Variants in GUCY1A2 observed in about 807,000 individuals in gnomAD.
GUCY1A2 encodes guanylate cyclase 1 soluble subunit alpha 2.
Under a neutral mutation model 63.5 loss-of-function variants are expected in GUCY1A2, and 27 were observed. That is an observed-to-expected ratio of 0.43 (90% CI 0.31 to 0.59). The LOEUF is 0.59. Ranked by LOEUF, GUCY1A2 falls within the 20% of genes least tolerant of loss-of-function variation. The probability of loss-of-function intolerance (pLI) is 0.11; values close to 1 mark genes in which losing one functional copy is unlikely to be tolerated. For missense variants in GUCY1A2, 768 were observed against 913.3 expected (o/e 0.84, Z 2.05); for synonymous variants, 364 against 343.5 (o/e 1.06, Z -0.66).
intron 2 of GUCY1A2, among the ~76,000 whole-genome samples, chr11:106,979,412 G>A (rs573628623): frequency 1.1e-4 from 16 of 140,070 alleles, no homozygotes; most frequent in Admixed American, 2.3e-4. Context: ...CCGAGACTGC[G>A]CCACTGCACT....
At chr11:106,821,404 A>C (rs1177566122) in intron 4 of GUCY1A2, among the ~76,000 whole-genome samples, 1 of 152,196 alleles carries the variant, frequency 6.6e-6, no homozygotes, top group African/African-American at 2.4e-5. Context: ...TAAATCATAC[A>C]CATTAAAGGC....
chr11:106,822,641 T>C (rs1040553685), intron 4 of GUCY1A2, among the ~76,000 whole-genome samples: 6 of 152,216 alleles, frequency 3.9e-5, no homozygotes, highest in Non-Finnish European at 1.5e-5. Context: ...CTTGTGTTAA[T>C]TCACTTAGGA....
Position 107,018,026 on chromosome 11 carries a change from G to T in GUCY1A2, c.30C>A (p.Ser10=), listed in dbSNP as rs1439523744. Residue 10 remains serine (S), a synonymous_variant, in exon 1 of 8, where the codon TCC becomes TCA. Transcript: ENST00000526355. The part of the protein sequence containing the change: MSRRKISSE[S]FSSLGSDYLE... Reference sequence around the variant, plus strand: ...GGTAGTCGGAGCCCAGGGAGCTGAAGGACTCGGACGAAATCTTCCTTCGAG... The same window carrying T: ...GGTAGTCGGAGCCCAGGGAGCTGAATGACTCGGACGAAATCTTCCTTCGAG... 1.5e-5 allele frequency: 22 copies of T among 1,475,362 alleles called. No individual in the cohort carries two copies. The highest frequency in any genetic ancestry group is 2.0e-5 in the Non-Finnish European group (22 of 1,102,418). The allele number at this position is 1,475,362 out of a possible 1,614,324, so 91.4% of individuals were successfully genotyped here.
chr11:107,012,537 A>G (rs948174909), intron 1 of GUCY1A2, among the ~76,000 whole-genome samples: 18 of 152,168 alleles, frequency 1.2e-4, no homozygotes, highest in Non-Finnish European at 2.1e-4. Flanking sequence ...CTCAGAGAAG[A>G]TAAGAGTTAG....
intron 4 of GUCY1A2, among the ~76,000 whole-genome samples, chr11:106,878,161 CACTTAT>C (rs1284047208): frequency 1.3e-5 from 2 of 151,920 alleles, no homozygotes; most frequent in Non-Finnish European, 2.9e-5. Flanking sequence ...AGAATAAAAG[CACTTAT>C]ACACTGTGAG....
intron 5 of GUCY1A2, among the ~76,000 whole-genome samples, chr11:106,793,268 T>C (rs764962136): frequency 1.3e-5 from 2 of 152,126 alleles, no homozygotes; most frequent in Non-Finnish European, 1.5e-5. Flanking sequence ...GAATCTTCTC[T>C]TCAATAAATT....
intron 6 of GUCY1A2, among the ~76,000 whole-genome samples, chr11:106,773,020 C>G (rs992182322): frequency 6.6e-6 from 1 of 152,082 alleles, no homozygotes; most frequent in African/African-American, 2.4e-5. Flanking sequence ...TTAGAAAACT[C>G]TCTTTCCACT....
rs1861257213 is a variant in GUCY1A2, at chr11:106,976,019, T to A, written c.487+2600A>T. On this transcript the variant is annotated intron_variant, in intron 3 of 7. Transcript: ENST00000526355. ...ATTTTGGAAGGAGAAAAATTGCTACTATGATCATATCTTGTGATCTATGAC... is the reference window on the plus strand; with the variant it reads ...ATTTTGGAAGGAGAAAAATTGCTACAATGATCATATCTTGTGATCTATGAC... 1.3e-5 allele frequency among the ~76,000 whole-genome samples: 2 copies of A among 152,240 alleles called. 1 individual carries two copies. Among genetic ancestry groups the A allele is most frequent in the African/African-American group, 4.8e-5 (2 of 41,472 alleles).
chr11:106,916,587 A>C (rs1860373063), intron 4 of GUCY1A2, among the ~76,000 whole-genome samples: 1 of 145,638 alleles, frequency 6.9e-6, no homozygotes, highest in African/African-American at 2.4e-5. Flanking sequence ...ACTAGAGTGA[A>C]ATGCAGTTTT....
In GUCY1A2 at chr11:106,773,388, T is replaced by C. The variant is rs369960427; in HGVS notation, c.1836+3051A>G. 2.0e-5 allele frequency among the ~76,000 whole-genome samples: 3 copies of C among 152,202 alleles called. No individual in the cohort carries two copies. The East Asian group carries it at 5.8e-4, about 29-fold the overall frequency. On this transcript the variant is annotated intron_variant, in intron 6 of 7. Transcript: ENST00000526355. ...GTCTTTCATATTCCCAACTATATGG[T>C]ATACCAAGGTATAAATATAACACAG... is the stretch of plus-strand genomic sequence containing the variant.
At chr11:106,929,942 T>C (rs1336812337) in intron 4 of GUCY1A2, among the ~76,000 whole-genome samples, 1 of 152,186 alleles carries the variant, frequency 6.6e-6, no homozygotes, top group Non-Finnish European at 1.5e-5. Flanking sequence ...GTGCCAGAAA[T>C]GTTAAGATAC....
At chr11:107,004,209 T>C (rs986804423) in intron 1 of GUCY1A2, among the ~76,000 whole-genome samples, 2 of 152,130 alleles carry the variant, frequency 1.3e-5, no homozygotes, top group African/African-American at 4.8e-5. Context: ...TCACCAAAGC[T>C]TGAAATATAT....
chr11:106,809,879 A>C (rs1858740847), intron 5 of GUCY1A2, 114 bp downstream of exon 5: 2 of 675,040 alleles, frequency 3.0e-6, no homozygotes, highest in Non-Finnish European at 2.5e-6. Context: ...TAAAATTTCT[A>C]AATTAAAGAG....
At chr11:106,786,754 A>T (rs1212844623) in intron 5 of GUCY1A2, among the ~76,000 whole-genome samples, 2 of 152,182 alleles carry the variant, frequency 1.3e-5, no homozygotes, top group East Asian at 3.8e-4. Flanking sequence ...ATCCACCTCT[A>T]CCACTGTAAT....
intron 1 of GUCY1A2, among the ~76,000 whole-genome samples, chr11:107,003,992 C>T (rs1861641135): frequency 6.6e-6 from 1 of 152,100 alleles, no homozygotes; most frequent in Admixed American, 6.6e-5. Flanking sequence ...TAAATTAGAG[C>T]AAGAAGGCCT....
rs71470827 is a variant in GUCY1A2 at position 106,698,119 on chromosome 11, A to ATTTTTTTTTTTTTTTTTTTTTT, written c.1992-10364_1992-10363insAAAAAAAAAAAAAAAAAAAAAA. 2.0e-3 allele frequency among the ~76,000 whole-genome samples: 198 copies of ATTTTTTTTTTTTTTTTTTTTTT among 100,440 alleles called. 25 individuals are homozygous for ATTTTTTTTTTTTTTTTTTTTTT. Among genetic ancestry groups the ATTTTTTTTTTTTTTTTTTTTTT allele is most frequent in the East Asian group, 9.7e-3 (39 of 4,000 alleles). The allele number at this position is 100,440 out of a possible 152,430, so 65.9% of individuals were successfully genotyped here. A position where few individuals can be genotyped will look rare whatever the true frequency, so the allele number is the denominator to read the frequency against. On this transcript the variant is annotated intron_variant, in intron 7 of 7. Transcript: ENST00000526355. ...TTTACAGCTTTCACTGAATGTTAGA[A>ATTTTTTTTTTTTTTTTTTTTTT]TTTTTTTTTTTTTTTTTTTAGACAG...
intron 5 of GUCY1A2, among the ~76,000 whole-genome samples, chr11:106,783,575 T>C (rs1419871811): frequency 1.3e-5 from 2 of 152,120 alleles, no homozygotes; most frequent in Non-Finnish European, 2.9e-5. Flanking sequence ...GAGGACCAGA[T>C]GAAGAACCTA....
intron 4 of GUCY1A2, among the ~76,000 whole-genome samples, chr11:106,853,943 G>A (rs1255460119): frequency 6.6e-6 from 1 of 152,200 alleles, no homozygotes; most frequent in Non-Finnish European, 1.5e-5. Flanking sequence ...CAGTGACACT[G>A]GCTGCAGTTG....
chr11:106,954,262 T>C (rs1057010701), intron 3 of GUCY1A2, among the ~76,000 whole-genome samples: 1 of 152,196 alleles, frequency 6.6e-6, no homozygotes, highest in Non-Finnish European at 1.5e-5. Flanking sequence ...TTTAATTTCA[T>C]TATTTACCCG....
Sources: allele counts gnomAD v4.1 joint callset (sites outside exome capture counted in the v4.1 genomes callset), GRCh38; gene constraint gnomAD v4.1.1; transcripts MANE v1.5; gene names NCBI Gene and HGNC (gene_info 2026-07-23, HGNC 2026-07-21).